The following LRRC4C variants were observed in gnomAD, a reference collection of about 807,000 sequenced individuals.
LRRC4C encodes the protein leucine-rich repeat-containing protein 4C.
A neutral mutation model predicts 33.6 loss-of-function variants in LRRC4C; 5 were observed. That is an observed-to-expected ratio of 0.15 (90% CI 0.08 to 0.31). The LOEUF is 0.31. LRRC4C is among the 10% of genes least tolerant of loss of function. The pLI, the probability that LRRC4C is intolerant of heterozygous loss-of-function variation, is 1.00. For synonymous variants in LRRC4C, 329 were observed against 302.0 expected (o/e 1.09, Z -0.93); for missense variants, 560 against 796.7 (o/e 0.70, Z 3.58).
intron 5 of LRRC4C, among the ~76,000 whole-genome samples, chr11:40,207,143 G>C (rs1400866595): frequency 6.6e-6 from 1 of 152,130 alleles, no homozygotes; most frequent in Non-Finnish European, 1.5e-5. Context: ...ATATTGTACG[G>C]AACTGTCATT....
At chr11:41,104,769 A>G (rs1941397729) in intron 1 of LRRC4C, among the ~76,000 whole-genome samples, 1 of 152,014 alleles carries the variant, frequency 6.6e-6, no homozygotes, top group African/African-American at 2.4e-5. Context: ...ACAGAATAAT[A>G]TTTGTCAGGA....
intron 2 of LRRC4C, among the ~76,000 whole-genome samples, chr11:40,819,972 A>G (rs541693357): frequency 1.3e-5 from 2 of 152,208 alleles, no homozygotes; most frequent in South Asian, 2.1e-4. Flanking sequence ...TTAATCCAGA[A>G]AAGTGACTAA....
At chr11:41,318,924 T>C (rs1047040920) in intron 1 of LRRC4C, among the ~76,000 whole-genome samples, 3 of 152,254 alleles carry the variant, frequency 2.0e-5, no homozygotes, top group Non-Finnish European at 4.4e-5. Context: ...TTAATTCGCT[T>C]ACAATTTTCT....
rs565259274 is a variant in LRRC4C at position 41,057,684 on chromosome 11, C to A, written c.-495-123961G>T. 8.5e-5 allele frequency among the ~76,000 whole-genome samples: 13 copies of A among 152,294 alleles called. No individual in the cohort carries two copies. In the East Asian group the frequency reaches 2.1e-3, roughly 25 times the overall value. On this transcript the variant is annotated intron_variant, in intron 1 of 6. Coordinates refer to ENST00000528697, the MANE Select transcript of LRRC4C (RefSeq NM_001258419.2). ...CCAGCTGCAGAGAAGAGCAACCCAACCTAGGGCCTCCTCTCTGCTGACAGT... is the reference window on the plus strand; with the variant it reads ...CCAGCTGCAGAGAAGAGCAACCCAAACTAGGGCCTCCTCTCTGCTGACAGT...
At chr11:41,342,508 G>T (rs933178084) in intron 1 of LRRC4C, among the ~76,000 whole-genome samples, 1 of 151,992 alleles carries the variant, frequency 6.6e-6, no homozygotes, top group Non-Finnish European at 1.5e-5. Flanking sequence ...TGAGGTCAGG[G>T]GTTTGAGACC....
At chr11:41,256,652 G>A (rs1948810866) in intron 1 of LRRC4C, among the ~76,000 whole-genome samples, 2 of 151,976 alleles carry the variant, frequency 1.3e-5, no homozygotes, top group South Asian at 4.1e-4. Context: ...TTGGACAATA[G>A]AGGAACATTT....
intron 3 of LRRC4C, among the ~76,000 whole-genome samples, chr11:40,532,570 A>G (rs1591023794): frequency 6.6e-6 from 1 of 152,042 alleles, no homozygotes; most frequent in African/African-American, 2.4e-5. Context: ...GAGGACCACA[A>G]TTCAGAGACA....
chr11:40,592,521 G>C (rs1189079148), intron 3 of LRRC4C, among the ~76,000 whole-genome samples: 1 of 152,202 alleles, frequency 6.6e-6, no homozygotes, highest in African/African-American at 2.4e-5. Flanking sequence ...AAAGCATATG[G>C]AAGTGGCCTT....
At chr11:40,661,007 T>C (rs1335504671) in intron 2 of LRRC4C, among the ~76,000 whole-genome samples, 1 of 152,198 alleles carries the variant, frequency 6.6e-6, no homozygotes, top group African/African-American at 2.4e-5. Context: ...AGGGGTTTCT[T>C]TTTATTGCAT....
chr11:40,955,710 A>C (rs2136787202), intron 1 of LRRC4C, among the ~76,000 whole-genome samples: 1 of 151,954 alleles, frequency 6.6e-6, no homozygotes, highest in Non-Finnish European at 1.5e-5. Context: ...AAAGAAAAGG[A>C]AACTGACAAC....
chr11:41,279,416 AC>A (rs1949590485), intron 1 of LRRC4C, among the ~76,000 whole-genome samples: 1 of 143,408 alleles, frequency 7.0e-6, no homozygotes, highest in Non-Finnish European at 1.5e-5. Flanking sequence ...ACACACACAC[AC>A]ACACACACAC....
At chr11:41,352,438 C>T (rs187913731) in intron 1 of LRRC4C, among the ~76,000 whole-genome samples, 352 of 152,232 alleles carry the variant, frequency 2.3e-3, no homozygotes, top group African/African-American at 8.1e-3. Flanking sequence ...CAACACCCCA[C>T]TGAGAGTGTT....
At chr11:40,995,844 A>G (rs1853930746) in intron 1 of LRRC4C, among the ~76,000 whole-genome samples, 1 of 152,158 alleles carries the variant, frequency 6.6e-6, no homozygotes, top group Admixed American at 6.6e-5. Flanking sequence ...CCCAGCCTAT[A>G]TCTCCAAATT....
At chr11:41,425,957 C>A (rs988812691) in intron 1 of LRRC4C, among the ~76,000 whole-genome samples, 4 of 152,086 alleles carry the variant, frequency 2.6e-5, no homozygotes, top group Non-Finnish European at 5.9e-5. Context: ...TCAAATAATG[C>A]AGTCACATAT....
intron 3 of LRRC4C, among the ~76,000 whole-genome samples, chr11:40,398,987 T>C (rs1331887054): frequency 6.6e-6 from 1 of 152,106 alleles, no homozygotes; most frequent in African/African-American, 2.4e-5. Context: ...CTAATTAACA[T>C]ACTGGTGAAC....
intron 6 of LRRC4C, among the ~76,000 whole-genome samples, chr11:40,120,620 G>GTCC (rs903822631): frequency 1.3e-5 from 2 of 152,082 alleles, no homozygotes; most frequent in African/African-American, 4.8e-5. Flanking sequence ...GGGTCCCAGG[G>GTCC]TCCTGTTCCT....
At chr11:40,923,987 A>C (rs966745437) in intron 2 of LRRC4C, among the ~76,000 whole-genome samples, 5 of 151,916 alleles carry the variant, frequency 3.3e-5, no homozygotes, top group Non-Finnish European at 7.4e-5. Flanking sequence ...GAGCTCAGAA[A>C]GTAATTAGCT....
intron 1 of LRRC4C, among the ~76,000 whole-genome samples, chr11:41,279,281 G>T (rs1158864992): frequency 6.6e-6 from 1 of 151,644 alleles, no homozygotes; most frequent in Non-Finnish European, 1.5e-5. Context: ...TGAGTGTTTT[G>T]TGTTTTGAAA....
chr11:40,600,121 G>A (rs1157742750), intron 3 of LRRC4C, among the ~76,000 whole-genome samples: 1 of 152,150 alleles, frequency 6.6e-6, no homozygotes, highest in African/African-American at 2.4e-5. Context: ...GAATCAGCCT[G>A]GGAGAAATAT....
Sources: gnomAD v4.1 joint callset for allele counts (sites outside exome capture counted in the v4.1 genomes callset) on GRCh38, gnomAD v4.1.1 for gene constraint, MANE v1.5 for transcripts, NCBI Gene and HGNC (gene_info 2026-07-23, HGNC 2026-07-21) for gene names.